LGALS9C: variants seen among roughly 807,000 people sequenced by gnomAD.
LGALS9C encodes galectin 9C.
In LGALS9C, 7 loss-of-function variants were observed where a neutral mutation model predicts 41.3. The ratio of observed to expected loss-of-function variants is 0.17; its 90% CI spans 0.10 to 0.32. The LOEUF is 0.32. Ranked by LOEUF, LGALS9C falls within the 10% of genes least tolerant of loss-of-function variation. The probability of loss-of-function intolerance (pLI) is 1.00; values close to 1 mark genes in which losing one functional copy is unlikely to be tolerated. For synonymous variants in LGALS9C, 44 were observed against 171.0 expected (o/e 0.26, Z 5.80); for missense variants, 102 against 455.2 (o/e 0.22, Z 7.06).
At chr17:18,488,713 T>C (rs1265853901) in intron 4 of LGALS9C, among the ~76,000 whole-genome samples, 1 of 129,560 alleles carries the variant, frequency 7.7e-6, no homozygotes, top group Non-Finnish European at 1.8e-5. Flanking sequence ...CTTCCCTGAC[T>C]CTCTCCCCTG....
At chr17:18,487,533 C>T in intron 3 of LGALS9C, 114 bp from the exon 4 acceptor site, 1 of 740,838 alleles carries the variant, frequency 1.3e-6, no homozygotes, top group South Asian at 1.8e-5. Context: ...ACTGGCCCCA[C>T]ACTGAAGACC....
intron 2 of LGALS9C, among the ~76,000 whole-genome samples, chr17:18,484,733 A>G (rs1332364532): frequency 6.6e-6 from 1 of 150,968 alleles, no homozygotes; most frequent in Admixed American, 6.6e-5. Context: ...GACCTCTCTT[A>G]AGACCCTCTG....
intron 1 of LGALS9C, 25 bp downstream of exon 1, chr17:18,476,918 G>C (rs778036399): frequency 1.9e-6 from 3 of 1,592,434 alleles, no homozygotes. Context: ...CGTGGGCACA[G>C]GGCTGCCTCA....
rs770557904 is a variant in LGALS9C at position 18,485,983 on chromosome 17, C to T, written c.181C>T (p.His61Tyr). Residue 61 changes from histidine to tyrosine, a missense_variant, in exon 3 of 11, where the codon CAC (histidine) becomes TAC (tyrosine). By Grantham distance (83) the His-to-Tyr change is moderately conservative. Coordinates refer to ENST00000328114, the MANE Select transcript of LGALS9C (RefSeq NM_001040078.3). The part of the protein sequence containing the change: ...TGFSGNDIAF[H>Y]FNPRFEDGGY... Reference sequence around the variant, plus strand: ...CTTCAGTGGAAACGACATTGCCTTCCACTTCAACCCTCGGTTTGAAGACGG... The same window carrying T: ...CTTCAGTGGAAACGACATTGCCTTCTACTTCAACCCTCGGTTTGAAGACGG... 1.6e-6 allele frequency: 2 copies of T among 1,274,404 alleles called. No homozygotes were observed. The highest frequency in any genetic ancestry group is 4.5e-5 in the East Asian group (2 of 44,490). The allele number at this position is 1,274,404 out of a possible 1,614,324, so 78.9% of individuals were successfully genotyped here. A position where few individuals can be genotyped will look rare whatever the true frequency, so the allele number is the denominator to read the frequency against.
chr17:18,485,375 GT>G (rs1420457251), intron 2 of LGALS9C, among the ~76,000 whole-genome samples: 2 of 102,176 alleles, frequency 2.0e-5, no homozygotes, highest in Admixed American at 9.8e-5. Flanking sequence ...ATATCTTTTT[GT>G]TTTTTAAGTA....
In LGALS9C at chr17:18,493,369, A is replaced by C. The variant is rs1285963917; in HGVS notation, c.924+510A>C. 1.7e-5 allele frequency among the ~76,000 whole-genome samples: 2 copies of C among 118,528 alleles called. 1 individual carries two copies. Among genetic ancestry groups the C allele is most frequent in the Non-Finnish European group, 3.9e-5 (2 of 50,764 alleles). 77.8% of individuals were successfully genotyped at this position (118,528 alleles called of 152,430 possible). On this transcript the variant is annotated intron_variant, in intron 10 of 10. Transcript: ENST00000328114. ...GCAGAAAGCAAAACAGAGCGATGAG[A>C]TAGAGCGAGCCTGGGAGGGGCAGCT...
chr17:18,477,128 G>GCTGTC (rs1254794231), intron 1 of LGALS9C, among the ~76,000 whole-genome samples: 1 of 135,146 alleles, frequency 7.4e-6, no homozygotes, highest in East Asian at 1.9e-4. Flanking sequence ...TGTTGGCTGA[G>GCTGTC]CTGTCCTGTC....
At chr17:18,494,056 G>A (rs1294924001) in intron 10 of LGALS9C, among the ~76,000 whole-genome samples, 165 bp from the exon 11 acceptor site, 1 of 127,822 alleles carries the variant, frequency 7.8e-6, no homozygotes, top group African/African-American at 2.6e-5. Flanking sequence ...ACAGGGGAAG[G>A]AGCACGCACA....
chr17:18,484,749 C>T (rs1461493725), intron 2 of LGALS9C, among the ~76,000 whole-genome samples: 6 of 151,154 alleles, frequency 4.0e-5, no homozygotes, highest in East Asian at 1.9e-4. Flanking sequence ...CTCTGGGCCT[C>T]GTAGATGCCA....
chr17:18,482,523 A>T (rs1413175278), intron 1 of LGALS9C, among the ~76,000 whole-genome samples: 2 of 142,192 alleles, frequency 1.4e-5, no homozygotes, highest in East Asian at 1.9e-4. Context: ...AAAAAAAAAA[A>T]AATTCAGGTT....
In LGALS9C at chr17:18,494,644, G is replaced by A; in HGVS notation, c.*277G>A. ...GCGGGCACAGCCAGGGAGAGGGGAG[G>A]AGTGGGCAGTGAAGATGAAGCCCCA... On this transcript the variant is annotated 3_prime_UTR_variant, in exon 11 of 11. Coordinates refer to ENST00000328114, the MANE Select transcript of LGALS9C (RefSeq NM_001040078.3). 1.8e-6 allele frequency: 1 copy of A among 556,020 alleles called. No homozygotes were observed. Among genetic ancestry groups the A allele is most frequent in the Non-Finnish European group, 3.2e-6 (1 of 308,162 alleles). The allele number at this position is 556,020 out of a possible 1,614,324, so 34.4% of individuals were successfully genotyped here. A position where few individuals can be genotyped will look rare whatever the true frequency, so the allele number is the denominator to read the frequency against.
intron 8 of LGALS9C, 124 bp from the exon 9 acceptor site, chr17:18,492,333 G>T (rs9709039): frequency 0.32 from 311,413 of 961,618 alleles, 31,758 homozygotes; most frequent in Middle Eastern, 0.44. Context: ...TGGAACCAAG[G>T]AAAGATATCG....
At chr17:18,491,117 T>C (rs1872345) in intron 6 of LGALS9C, 156 bp from the exon 7 acceptor site, 399,587 of 999,342 alleles carry the variant, frequency 0.4, 46,055 homozygotes, top group Middle Eastern at 0.45. Context: ...AACCTTTGCC[T>C]CTCCCTCGTC....
intron 1 of LGALS9C, 31 bp downstream of exon 1, chr17:18,476,924 C>T (rs1259772474): frequency 1.3e-6 from 2 of 1,586,854 alleles, no homozygotes; most frequent in South Asian, 1.1e-5. Context: ...CACAGGGCTG[C>T]CTCAGCCAGG....
At position 18,494,397 on chromosome 17, in the gene LGALS9C, G is replaced by A. The variant is rs1725645; in HGVS notation, c.*30G>A. ...CTCCCTGGCCCTGGGGCCGGGGGCT[G>A]GGGTGTGGGGCAGTCTGGGTCCTCT... On this transcript the variant is annotated 3_prime_UTR_variant, in exon 11 of 11. Transcript: ENST00000328114. 542,220 of 1,513,654 alleles carry A rather than the reference G, an allele frequency of 0.36. 71,931 individuals are homozygous for A. The highest frequency in any genetic ancestry group is 0.42 in the Middle Eastern group (2,336 of 5,596). 93.8% of individuals were successfully genotyped at this position (1,513,654 alleles called of 1,614,324 possible).
intron 1 of LGALS9C, 30 bp downstream of exon 1, chr17:18,476,923 G>A: frequency 6.3e-7 from 1 of 1,587,194 alleles, no homozygotes; most frequent in Non-Finnish European, 8.6e-7. Flanking sequence ...GCACAGGGCT[G>A]CCTCAGCCAG....
chr17:18,486,453 T>C, intron 3 of LGALS9C: 1 of 304,448 alleles, frequency 3.3e-6, no homozygotes, highest in South Asian at 2.6e-5. Context: ...TCACCATACC[T>C]CCTCTCCAGG....
rs200232633 is a variant in LGALS9C, at chr17:18,476,909, G to A, written c.39+16G>A. 139 of 1,597,438 alleles carry A rather than the reference G, an allele frequency of 8.7e-5. 1 individual carries two copies. Among genetic ancestry groups the A allele is most frequent in the African/African-American group, 7.4e-4 (55 of 74,740 alleles). ...TCTGAGCCCAGTGAGTTCCGGGGCC[G>A]TGGGCACAGGGCTGCCTCAGCCAGG... On this transcript the variant is annotated intron_variant, in intron 1 of 10. Transcript: ENST00000328114.
chr17:18,487,906 G>T (rs1237694918), intron 4 of LGALS9C, 149 bp downstream of exon 4: 1 of 578,068 alleles, frequency 1.7e-6, no homozygotes, highest in Non-Finnish European at 3.2e-6. Flanking sequence ...GTACCTGCCC[G>T]CCCCTTCTCC....
Sources: allele counts gnomAD v4.1 joint callset (sites outside exome capture counted in the v4.1 genomes callset), GRCh38; gene constraint gnomAD v4.1.1; transcripts MANE v1.5; gene names NCBI Gene and HGNC (gene_info 2026-07-23, HGNC 2026-07-21).